The following UMAD1 variants were observed in gnomAD, a reference collection of about 807,000 sequenced individuals.
The protein encoded by UMAD1 is UBAP1-MVB12-associated (UMA)-domain containing protein 1.
A neutral mutation model predicts 6.1 loss-of-function variants in UMAD1; 8 were observed. The observed-to-expected ratio is 1.30, with a 90% CI of 0.76 to 2.35. The LOEUF (loss-of-function observed/expected upper bound fraction) is 2.35, where lower values mean the gene tolerates loss of function less well. Among genes scored for constraint, UMAD1 ranks in the 30% most tolerant of loss-of-function variants. The pLI is 0.00. For synonymous variants in UMAD1, 56 were observed against 31.4 expected (o/e 1.78, Z -2.61); for missense variants, 130 against 78.4 (o/e 1.66, Z -2.49).
chr7:7,653,255 A>T (rs554738376), intron 1 of UMAD1, among the ~76,000 whole-genome samples: 43 of 152,338 alleles, frequency 2.8e-4, no homozygotes, highest in African/African-American at 8.9e-4. Context: ...TTATGCAGTT[A>T]TATTTGTAAC....
intron 3 of UMAD1, among the ~76,000 whole-genome samples, chr7:7,836,955 T>TAAAAAA (rs35860331): frequency 6.9e-6 from 1 of 145,860 alleles, no homozygotes; most frequent in Non-Finnish European, 1.5e-5. Flanking sequence ...CCAAAACTAT[T>TAAAAAA]AAAAAAAAAA....
chr7:7,866,859 A>C (rs556276622), intron 3 of UMAD1, among the ~76,000 whole-genome samples: 9 of 152,258 alleles, frequency 5.9e-5, no homozygotes, highest in African/African-American at 1.7e-4. Flanking sequence ...AGTGTAGGGT[A>C]GTAAAGCTGT....
chr7:7,680,259 T>A (rs2115120118), intron 2 of UMAD1, among the ~76,000 whole-genome samples: 1 of 152,268 alleles, frequency 6.6e-6, no homozygotes, highest in South Asian at 2.1e-4. Context: ...CTTCTGCATA[T>A]AGATATCCAG....
intron 2 of UMAD1, among the ~76,000 whole-genome samples, chr7:7,741,487 G>C (rs1781462754): frequency 6.6e-6 from 1 of 151,574 alleles, no homozygotes; most frequent in African/African-American, 2.4e-5. Context: ...TGAGGCAGGA[G>C]AATGGCGTGA....
chr7:7,862,451 A>C (rs1237806201), intron 3 of UMAD1, among the ~76,000 whole-genome samples: 5 of 152,208 alleles, frequency 3.3e-5, no homozygotes, highest in Non-Finnish European at 7.4e-5. Context: ...TACATTCTGA[A>C]GAAGTTGAAT....
chr7:7,838,239 C>A (rs1242610478), intron 3 of UMAD1, among the ~76,000 whole-genome samples: 1 of 151,926 alleles, frequency 6.6e-6, no homozygotes, highest in Non-Finnish European at 1.5e-5. Context: ...CCATACTTAG[C>A]TCATTGGGCC....
At chr7:7,775,470 C>T (rs1782186331) in intron 2 of UMAD1, among the ~76,000 whole-genome samples, 1 of 152,124 alleles carries the variant, frequency 6.6e-6, no homozygotes, top group Non-Finnish European at 1.5e-5. Context: ...TTCCTGCCAC[C>T]CTTTGAAGAG....
At chr7:7,842,870 A>T (rs1661371401) in intron 3 of UMAD1, among the ~76,000 whole-genome samples, 1 of 152,152 alleles carries the variant, frequency 6.6e-6, no homozygotes, top group Non-Finnish European at 1.5e-5. Flanking sequence ...TATTGTTAAA[A>T]AGGTAGACAG....
chr7:7,703,933 G>C (rs1780529425), intron 2 of UMAD1, among the ~76,000 whole-genome samples: 1 of 151,832 alleles, frequency 6.6e-6, no homozygotes. Context: ...CAGATAACCT[G>C]TCTCTTAACA....
chr7:7,760,864 C>A (rs943700965), intron 2 of UMAD1, among the ~76,000 whole-genome samples: 4 of 152,070 alleles, frequency 2.6e-5, no homozygotes, highest in African/African-American at 7.2e-5. Flanking sequence ...GTTTTACTAG[C>A]AAAACAGCAC....
chr7:7,860,469 A>G (rs1379661146), intron 3 of UMAD1, among the ~76,000 whole-genome samples: 1 of 151,978 alleles, frequency 6.6e-6, no homozygotes, highest in Non-Finnish European at 1.5e-5. Flanking sequence ...TTACTTAAAA[A>G]TATTGTCCTG....
rs74549235 is a variant in UMAD1 at position 7,675,693 on chromosome 7, G to C, written c.82+2240G>C. ...AGGGAATTTTCCCAGGACCATCTTG[G>C]ACTAGCATAATTGGTGTCGTACCCA... On this transcript the variant is annotated intron_variant, in intron 2 of 3. Transcript: ENST00000682710. Among the ~76,000 whole-genome samples, 190 of 152,234 alleles carry C rather than the reference G, an allele frequency of 1.2e-3. 1 individual carries two copies. The highest frequency in any genetic ancestry group is 4.4e-3 in the African/African-American group (181 of 41,534).
intron 2 of UMAD1, among the ~76,000 whole-genome samples, chr7:7,775,618 C>G (rs1782189852): frequency 6.6e-6 from 1 of 152,160 alleles, no homozygotes; most frequent in African/African-American, 2.4e-5. Context: ...CTACTACACC[C>G]ACTAGAAAGG....
chr7:7,874,190 T>G (rs1410281190), intron 3 of UMAD1, among the ~76,000 whole-genome samples: 1 of 152,190 alleles, frequency 6.6e-6, no homozygotes, highest in African/African-American at 2.4e-5. Flanking sequence ...CATCAGCAAA[T>G]TGTGTTCCTT....
chr7:7,841,378 G>A (rs1481721740), intron 3 of UMAD1, among the ~76,000 whole-genome samples: 4 of 149,664 alleles, frequency 2.7e-5, no homozygotes, highest in East Asian at 2.0e-4. Flanking sequence ...GCAATGGCAC[G>A]ATCATGGCTC....
At chr7:7,665,239 A>G (rs960218005) in intron 1 of UMAD1, among the ~76,000 whole-genome samples, 3 of 152,188 alleles carry the variant, frequency 2.0e-5, no homozygotes, top group Non-Finnish European at 2.9e-5. Context: ...GAAAAAAGAA[A>G]TATATTCTAG....
At chr7:7,778,309 C>A (rs114067028) in intron 2 of UMAD1, among the ~76,000 whole-genome samples, 6,429 of 136,272 alleles carry the variant, frequency 0.047, 476 homozygotes, top group African/African-American at 0.16. Context: ...AGAGAGAGAG[C>A]GTAAATATGG....
At chr7:7,809,531 G>A (rs1040994779) in intron 3 of UMAD1, among the ~76,000 whole-genome samples, 11 of 151,918 alleles carry the variant, frequency 7.2e-5, no homozygotes, top group Non-Finnish European at 1.3e-4. Context: ...ATCCCCTTAC[G>A]TGCTTATCTT....
At chr7:7,843,797 A>T (rs1783732802) in intron 3 of UMAD1, among the ~76,000 whole-genome samples, 1 of 152,160 alleles carries the variant, frequency 6.6e-6, no homozygotes, top group African/African-American at 2.4e-5. Flanking sequence ...GAATTTACCA[A>T]ACTGACAGAA....
Sources: allele counts gnomAD v4.1 joint callset (sites outside exome capture counted in the v4.1 genomes callset), GRCh38; gene constraint gnomAD v4.1.1; transcripts MANE v1.5; gene names NCBI Gene and HGNC (gene_info 2026-07-23, HGNC 2026-07-21).